Variants in MOB1B observed in about 807,000 individuals in gnomAD.
MOB1B encodes the protein MOB kinase activator 1B.
A neutral mutation model predicts 24.4 loss-of-function variants in MOB1B; 19 were observed. The observed-to-expected ratio is 0.78, with a 90% CI of 0.54 to 1.14. The LOEUF is 1.14. Among genes scored for constraint, MOB1B ranks in the 50% most tolerant of loss-of-function variants. MOB1B has a pLI of 0.00. For synonymous variants in MOB1B, 76 were observed against 82.1 expected (o/e 0.93, Z 0.40); for missense variants, 243 against 259.6 (o/e 0.94, Z 0.44).
At chr4:70,918,667 T>C (rs1251111407) in intron 1 of MOB1B, among the ~76,000 whole-genome samples, 2 of 152,188 alleles carry the variant, frequency 1.3e-5, no homozygotes, top group Non-Finnish European at 2.9e-5. Context: ...GGTAGTTTTC[T>C]TTTGCTGTGC....
At chr4:70,943,599 C>T (rs975857229) in intron 1 of MOB1B, among the ~76,000 whole-genome samples, 6 of 152,132 alleles carry the variant, frequency 3.9e-5, no homozygotes, top group East Asian at 3.8e-4. Flanking sequence ...AAGGTAGCTT[C>T]TGAAAAAATA....
At chr4:70,970,661 T>G (rs918800931) in intron 3 of MOB1B, among the ~76,000 whole-genome samples, 1 of 152,222 alleles carries the variant, frequency 6.6e-6, no homozygotes, top group Non-Finnish European at 1.5e-5. Context: ...ACCATTTATT[T>G]AGTGGTACCT....
chr4:70,952,935 C>CTTTTTTTTTTTTTTTTTTT (rs71211985), intron 1 of MOB1B, among the ~76,000 whole-genome samples: 1 of 72,288 alleles, frequency 1.4e-5, no homozygotes, highest in Non-Finnish European at 2.6e-5. Context: ...GTCATTTGGT[C>CTTTTTTTTTTTTTTTTTTT]TTTTTTTTTT....
rs1560673254 is a variant in MOB1B at position 70,986,435 on chromosome 4, C to G, written c.*4378C>G. ...GTATAACCTTTTCATATATTTATAACTTTTAATGTCTTTTTAAAAGATGTG... is the reference window on the plus strand; with the variant it reads ...GTATAACCTTTTCATATATTTATAAGTTTTAATGTCTTTTTAAAAGATGTG... On this transcript the variant is annotated 3_prime_UTR_variant, in exon 6 of 6. Transcript: ENST00000309395. The G allele has an allele frequency of 6.6e-6, 1 of 151,872 alleles. No homozygotes were observed. The highest frequency in any genetic ancestry group is 1.5e-5 in the Non-Finnish European group (1 of 67,938). The allele number at this position is 151,872 out of a possible 1,614,324, so 9.4% of individuals were successfully genotyped here.
At chr4:70,907,699 G>C (rs1163793152) in intron 1 of MOB1B, among the ~76,000 whole-genome samples, 1 of 152,124 alleles carries the variant, frequency 6.6e-6, no homozygotes, top group Non-Finnish European at 1.5e-5. Flanking sequence ...GTGGCGCTCA[G>C]CTGCTTAGGA....
chr4:70,957,753 AT>A (rs10706196), intron 1 of MOB1B, among the ~76,000 whole-genome samples: 22,462 of 121,034 alleles, frequency 0.19, 3,584 homozygotes, highest in African/African-American at 0.45. Flanking sequence ...TCCCTGCCTT[AT>A]TTTTTTTTTT....
At chr4:70,976,778 C>A (rs77361663) in intron 4 of MOB1B, 67,440 of 183,788 alleles carry the variant, frequency 0.37, 15,610 homozygotes, top group African/African-American at 0.73. Context: ...ATATATATCT[C>A]TCTCTCTCAA....
intron 4 of MOB1B, chr4:70,976,716 T>C (rs1207212022): frequency 4.7e-6 from 4 of 858,882 alleles, no homozygotes; most frequent in African/African-American, 1.9e-5. Context: ...CACTTGGAAC[T>C]TTTTTAATAA....
At chr4:70,975,396 G>T in intron 4 of MOB1B, 110 bp downstream of exon 4, 1 of 1,506,834 alleles carries the variant, frequency 6.6e-7, no homozygotes, top group Non-Finnish European at 8.8e-7. Context: ...TTATGGCTGT[G>T]TTGATATATG....
intron 1 of MOB1B, among the ~76,000 whole-genome samples, chr4:70,945,961 G>A (rs781068713): frequency 3.2e-4 from 48 of 151,908 alleles, no homozygotes; most frequent in Middle Eastern, 3.4e-3. Flanking sequence ...TTTCCTATCG[G>A]GCTGGCTTCT....
At position 70,985,222 on chromosome 4, in the gene MOB1B, A is replaced by T. The variant is rs2148907356; in HGVS notation, c.*3165A>T. 1 of 152,298 alleles carries T rather than the reference A, an allele frequency of 6.6e-6. No individual in the cohort carries two copies. Among genetic ancestry groups the T allele is most frequent in the African/African-American group, 2.4e-5 (1 of 41,570 alleles). 9.4% of individuals were successfully genotyped at this position (152,298 alleles called of 1,614,324 possible). A position where few individuals can be genotyped will look rare whatever the true frequency, so the allele number is the denominator to read the frequency against. ...ATACTTTTGTTTACCCCTCTCTGAG[A>T]CAGGTTTTGATAACCACTGAAATGG... On this transcript the variant is annotated 3_prime_UTR_variant, in exon 6 of 6. Transcript: ENST00000309395.
intron 1 of MOB1B, among the ~76,000 whole-genome samples, chr4:70,903,877 C>T (rs1735626634): frequency 6.6e-6 from 1 of 151,694 alleles, no homozygotes; most frequent in Non-Finnish European, 1.5e-5. Flanking sequence ...TTCTTAGGCT[C>T]CTCCTAGAAG....
chr4:70,904,727 C>G (rs1006053039), intron 1 of MOB1B, among the ~76,000 whole-genome samples: 3 of 150,376 alleles, frequency 2.0e-5, no homozygotes, highest in Non-Finnish European at 4.4e-5. Flanking sequence ...CCACTGCACT[C>G]CAGCCTGGGT....
intron 3 of MOB1B, among the ~76,000 whole-genome samples, chr4:70,971,295 C>T (rs958958528): frequency 1.3e-5 from 2 of 152,038 alleles, no homozygotes; most frequent in African/African-American, 4.8e-5. Flanking sequence ...CACCTGAGAT[C>T]GGGAGGTTGA....
chr4:70,958,229 A>G (rs1738150649), intron 1 of MOB1B, among the ~76,000 whole-genome samples: 1 of 151,426 alleles, frequency 6.6e-6, no homozygotes, highest in Non-Finnish European at 1.5e-5. Flanking sequence ...CAGTGGCACA[A>G]TCTTGGGTCA....
rs1739114246 is a variant in MOB1B at position 70,979,327 on chromosome 4, A to G, written c.573+36A>G. 6 of 1,547,070 alleles carry G rather than the reference A, an allele frequency of 3.9e-6. No individual in the cohort carries two copies. In the African/African-American group the frequency reaches 4.1e-5, roughly 11 times the overall value. ...TTAGGAGGCCTTTGGTGCTCAGGGT[A>G]AGCATTTATCTTCATAGTTCTAAGG... is the stretch of plus-strand genomic sequence containing the variant. On this transcript the variant is annotated intron_variant, in intron 5 of 5. Coordinates refer to ENST00000309395, the MANE Select transcript of MOB1B (RefSeq NM_173468.4).
At chr4:70,961,135 T>A (rs796109161) in intron 2 of MOB1B, among the ~76,000 whole-genome samples, 7 of 152,302 alleles carry the variant, frequency 4.6e-5, no homozygotes, top group African/African-American at 1.7e-4. Context: ...AAAGATTAAT[T>A]TAAAATTAAG....
intron 1 of MOB1B, among the ~76,000 whole-genome samples, chr4:70,933,511 T>G (rs958095233): frequency 6.6e-6 from 1 of 151,234 alleles, no homozygotes; most frequent in Non-Finnish European, 1.5e-5. Flanking sequence ...TAGAGTCAAA[T>G]AGTTCTATAG....
At chr4:70,916,820 C>T (rs555923716) in intron 1 of MOB1B, among the ~76,000 whole-genome samples, 21 of 152,306 alleles carry the variant, frequency 1.4e-4, no homozygotes, top group African/African-American at 4.6e-4. Context: ...CCACCCACCT[C>T]GACCTCTCAA....
Sources: gnomAD v4.1 joint callset for allele counts (sites outside exome capture counted in the v4.1 genomes callset) on GRCh38, gnomAD v4.1.1 for gene constraint, MANE v1.5 for transcripts, NCBI Gene and HGNC (gene_info 2026-07-23, HGNC 2026-07-21) for gene names.